The following ATXN1 variants were observed in gnomAD, a reference collection of about 807,000 sequenced individuals.
The protein encoded by ATXN1 is ataxin-1.
A neutral mutation model predicts 56.4 loss-of-function variants in ATXN1; 8 were observed. The ratio of observed to expected loss-of-function variants is 0.14; its 90% confidence interval spans 0.08 to 0.26. The LOEUF (loss-of-function observed/expected upper bound fraction) is 0.26, where lower values mean the gene tolerates loss of function less well. Ranked by LOEUF, ATXN1 falls within the 10% of genes least tolerant of loss-of-function variation. The pLI is 1.00. For missense variants in ATXN1, 987 were observed against 1,106.5 expected (o/e 0.89, Z 1.53); for synonymous variants, 514 against 494.6 (o/e 1.04, Z -0.52).
Position 16,306,585 on chromosome 6 carries a change from T to C in ATXN1, c.2192A>G (p.Asn731Ser). 7 of 1,614,176 alleles carry C rather than the reference T, an allele frequency of 4.3e-6. No homozygotes were observed. Among genetic ancestry groups the C allele is most frequent in the Non-Finnish European group, 5.9e-6 (7 of 1,180,028 alleles). ...HRYAEQENGI[N>S]QGSAQMLSEN... is the part of the protein sequence containing the mutation. ...AGAGAGCATCTGGGCACTCCCCTGG[T>C]TGATTCCGTTTTCCTGCTCGGCATA... is the stretch of plus-strand genomic sequence containing the variant. The change falls in exon 8 of 8, where the codon AAC (asparagine) becomes AGC (serine). Residue 731 changes from asparagine to serine, a missense_variant. Asn to Ser is a conservative substitution (Grantham distance 46). This residue lies in a region of ATXN1 where 196 missense variants were observed against 196.7 expected (regional missense o/e 1.00). Transcript: ENST00000436367. This position sits in a 1 kb window ranked among gnomAD's most constrained non-coding sequence, Gnocchi z 5.2.
intron 4 of ATXN1, among the ~76,000 whole-genome samples, chr6:16,563,237 T>A (rs746314195): frequency 3.3e-5 from 5 of 152,004 alleles, no homozygotes; most frequent in Non-Finnish European, 7.4e-5. Context: ...TTGGAATAGA[T>A]CCCATAAGAA....
intron 2 of ATXN1, among the ~76,000 whole-genome samples, chr6:16,728,071 A>G (rs1335785945): frequency 6.6e-6 from 1 of 152,208 alleles, no homozygotes; most frequent in Non-Finnish European, 1.5e-5. Context: ...AAACGCCTGG[A>G]GCATGCTGAG....
At chr6:16,451,036 G>T (rs1759742715) in intron 6 of ATXN1, among the ~76,000 whole-genome samples, 1 of 152,228 alleles carries the variant, frequency 6.6e-6, no homozygotes, top group South Asian at 2.1e-4. Flanking sequence ...TACTAATCAT[G>T]AATCATTCGG....
intron 2 of ATXN1, among the ~76,000 whole-genome samples, chr6:16,680,247 G>A (rs1356527786): frequency 1.3e-5 from 2 of 151,914 alleles, no homozygotes; most frequent in African/African-American, 4.8e-5. Flanking sequence ...CCTGTGTAGA[G>A]GGTCAGGGGT....
chr6:16,618,595 G>A (rs1411962985), intron 3 of ATXN1, among the ~76,000 whole-genome samples: 1 of 152,094 alleles, frequency 6.6e-6, no homozygotes, highest in Non-Finnish European at 1.5e-5. Flanking sequence ...AGCTGGACGT[G>A]GTGGTACACA....
chr6:16,659,537 T>C (rs1203009052), intron 2 of ATXN1, among the ~76,000 whole-genome samples: 1 of 152,234 alleles, frequency 6.6e-6, no homozygotes, highest in Non-Finnish European at 1.5e-5. Context: ...GAAGAGGTCC[T>C]TGACGTTTCA....
At chr6:16,384,479 C>G (rs1758197534) in intron 6 of ATXN1, among the ~76,000 whole-genome samples, 1 of 152,208 alleles carries the variant, frequency 6.6e-6, no homozygotes, top group South Asian at 2.1e-4. Context: ...TACTATGCAT[C>G]AGACATATAA....
In ATXN1 at chr6:16,327,649, T is replaced by C; in HGVS notation, c.662A>G (p.Gln221Arg). 6.5e-7 allele frequency: 1 copy of C among 1,542,264 alleles called. No homozygotes were observed. Among genetic ancestry groups the C allele is most frequent in the Non-Finnish European group, 8.7e-7 (1 of 1,153,080 alleles). ...CCTGCTGAGGTGCTGCTGCTGCTGC[T>C]GCTGCTGCTGCTGCTGCTGCTGCTG... is the stretch of plus-strand genomic sequence containing the variant. ...HQQQQQQQQQ[Q>R]QQQQHLSRAP... is the part of the protein sequence containing the mutation. The change falls in exon 7 of 8, where the codon CAG becomes CGG. Residue 221 changes from glutamine to arginine, a missense_variant. This residue lies in a region of ATXN1 where 723 missense variants were observed against 791.7 expected (regional missense o/e 0.91). Coordinates refer to ENST00000436367, the MANE Select transcript of ATXN1 (RefSeq NM_001128164.2).
intron 6 of ATXN1, among the ~76,000 whole-genome samples, chr6:16,355,448 G>T (rs1007015142): frequency 2.0e-5 from 3 of 152,214 alleles, no homozygotes. Context: ...AACAAGAGCA[G>T]TGTCGACCCT....
intron 6 of ATXN1, among the ~76,000 whole-genome samples, chr6:16,472,602 C>T (rs1233134923): frequency 6.6e-6 from 1 of 152,192 alleles, no homozygotes; most frequent in African/African-American, 2.4e-5. Flanking sequence ...TATGAAGTCT[C>T]CTATCACACA....
At chr6:16,551,211 T>A (rs1761914743) in intron 4 of ATXN1, among the ~76,000 whole-genome samples, 1 of 152,162 alleles carries the variant, frequency 6.6e-6, no homozygotes, top group Non-Finnish European at 1.5e-5. Flanking sequence ...CCCAGCGCTG[T>A]GAAGGAGGCC....
chr6:16,572,850 T>C (rs1762356259), intron 4 of ATXN1, among the ~76,000 whole-genome samples: 1 of 152,236 alleles, frequency 6.6e-6, no homozygotes, highest in Admixed American at 6.5e-5. Flanking sequence ...ATTTTAACTT[T>C]CAGTTTTGGT....
chr6:16,343,570 TA>T, intron 6 of ATXN1, among the ~76,000 whole-genome samples: 1 of 152,146 alleles, frequency 6.6e-6, no homozygotes, highest in South Asian at 2.1e-4. Context: ...CTGTGAGCTG[TA>T]AAAAGTGAGG....
At chr6:16,451,536 A>C (rs998770636) in intron 6 of ATXN1, among the ~76,000 whole-genome samples, 9 of 152,294 alleles carry the variant, frequency 5.9e-5, no homozygotes, top group African/African-American at 2.2e-4. Context: ...CCGGCAGATC[A>C]CCTGAGGTCG....
intron 5 of ATXN1, among the ~76,000 whole-genome samples, chr6:16,491,281 T>TATTATTATTA (rs58463209): frequency 3.5e-5 from 4 of 115,046 alleles, no homozygotes; most frequent in African/African-American, 1.5e-4. Context: ...ATTATTATTT[T>TATTATTATTA]TTTTTTTTTT....
chr6:16,547,850 G>A (rs1158005590), intron 4 of ATXN1, among the ~76,000 whole-genome samples: 1 of 152,174 alleles, frequency 6.6e-6, no homozygotes, highest in Non-Finnish European at 1.5e-5. Flanking sequence ...TTGGTCATAT[G>A]CAAAATCTCC....
intron 6 of ATXN1, among the ~76,000 whole-genome samples, chr6:16,418,698 T>A: frequency 9.1e-6 from 1 of 109,940 alleles, no homozygotes. Flanking sequence ...CCTAATGCTG[T>A]CCCTCCCCCC....
intron 2 of ATXN1, among the ~76,000 whole-genome samples, chr6:16,734,535 TCTCA>T: frequency 6.6e-6 from 1 of 152,234 alleles, no homozygotes; most frequent in East Asian, 1.9e-4. Context: ...TGAGATGGAG[TCTCA>T]CTCTGTCGCT....
chr6:16,314,634 G>T (rs1421254552), intron 7 of ATXN1, among the ~76,000 whole-genome samples: 10 of 146,930 alleles, frequency 6.8e-5, no homozygotes, highest in Non-Finnish European at 1.5e-5. Context: ...TTTTTTTTTT[G>T]AGATGGAGTC....
Sources: gnomAD v4.1 joint callset for allele counts (sites outside exome capture counted in the v4.1 genomes callset) on GRCh38, gnomAD v4.1.1 for gene constraint, gnomAD v4.1.1 regional missense constraint, Gnocchi (gnomAD v3.1) non-coding constraint, MANE v1.5 for transcripts, NCBI Gene and HGNC (gene_info 2026-07-23, HGNC 2026-07-21) for gene names.